The following CSMD1 variants were observed in gnomAD, a reference collection of about 807,000 sequenced individuals.
CSMD1 encodes CUB and sushi domain-containing protein 1.
Under a neutral mutation model 417.5 loss-of-function variants are expected in CSMD1, and 213 were observed. The ratio of observed to expected loss-of-function variants is 0.51; its 90% CI spans 0.46 to 0.57. CSMD1 has a LOEUF of 0.57. CSMD1 is among the 20% of genes least tolerant of loss of function. The pLI is 0.00. For synonymous variants in CSMD1, 2,862 were observed against 1,736.8 expected (o/e 1.65, Z -16.11); for missense variants, 6,923 against 4,529.7 (o/e 1.53, Z -15.17).
intron 3 of CSMD1, among the ~76,000 whole-genome samples, chr8:4,335,827 C>G (rs1800132493): frequency 6.6e-6 from 1 of 151,918 alleles, no homozygotes; most frequent in African/African-American, 2.4e-5. Context: ...ATTACTCAGC[C>G]CAGGGGTTGA....
intron 23 of CSMD1, among the ~76,000 whole-genome samples, chr8:3,314,582 A>T (rs1032974148): frequency 1.3e-5 from 2 of 152,188 alleles, no homozygotes; most frequent in African/African-American, 4.8e-5. Flanking sequence ...TAGTAATTCT[A>T]TTTCTTTGTT....
At chr8:4,311,898 A>G (rs1798604905) in intron 3 of CSMD1, among the ~76,000 whole-genome samples, 2 of 152,004 alleles carry the variant, frequency 1.3e-5, no homozygotes, top group Admixed American at 6.6e-5. Flanking sequence ...AATACATGCA[A>G]CGAACCCCCA....
chr8:3,799,774 A>C (rs779250144), intron 5 of CSMD1, among the ~76,000 whole-genome samples: 2 of 152,084 alleles, frequency 1.3e-5, no homozygotes, highest in Non-Finnish European at 2.9e-5. Flanking sequence ...TGCTAAATCC[A>C]ATTTTCATAT....
At chr8:3,287,807 C>T (rs1803270902) in intron 25 of CSMD1, among the ~76,000 whole-genome samples, 1 of 151,682 alleles carries the variant, frequency 6.6e-6, no homozygotes, top group Non-Finnish European at 1.5e-5. Context: ...CTCCAGCTGC[C>T]TGATTGCCCT....
At chr8:3,854,885 G>C (rs1308823721) in intron 5 of CSMD1, among the ~76,000 whole-genome samples, 1 of 152,094 alleles carries the variant, frequency 6.6e-6, no homozygotes, top group Non-Finnish European at 1.5e-5. Context: ...AATATTATAT[G>C]GACATTACAA....
intron 3 of CSMD1, among the ~76,000 whole-genome samples, chr8:4,348,631 GA>G (rs141217303): frequency 0.048 from 6,007 of 126,366 alleles, 579 homozygotes; most frequent in African/African-American, 0.18. Context: ...AGGGAGGGGA[GA>G]GGGGGAGAGG....
intron 3 of CSMD1, among the ~76,000 whole-genome samples, chr8:4,302,405 T>C (rs1319152235): frequency 1.3e-5 from 2 of 152,240 alleles, no homozygotes; most frequent in African/African-American, 2.4e-5. Flanking sequence ...AAAACCTTTA[T>C]ATATGTGATT....
intron 3 of CSMD1, among the ~76,000 whole-genome samples, chr8:4,326,713 T>C (rs1490472113): frequency 2.6e-5 from 4 of 152,084 alleles, no homozygotes; most frequent in Admixed American, 2.6e-4. Flanking sequence ...TCCGTTTGGG[T>C]AACACCAAAT....
chr8:3,637,762 G>A (rs1056633950), intron 7 of CSMD1, among the ~76,000 whole-genome samples: 1 of 152,136 alleles, frequency 6.6e-6, no homozygotes, highest in East Asian at 1.9e-4. Context: ...ATCTTGAATT[G>A]TAGCTCCCAT....
rs563493967 is a variant in CSMD1 at position 4,383,508 on chromosome 8, C to G, written c.415+36445G>C. ...TCGTCTGTAATTTTATTCCAGGACACCAACAAGCCCTGGCTATTGCAGACA... is the reference window on the plus strand; with the variant it reads ...TCGTCTGTAATTTTATTCCAGGACAGCAACAAGCCCTGGCTATTGCAGACA... On this transcript the variant is annotated intron_variant, in intron 3 of 69. Coordinates refer to ENST00000635120, the MANE Select transcript of CSMD1 (RefSeq NM_033225.6). Among the ~76,000 whole-genome samples, 9 of 152,208 alleles carry G rather than the reference C, an allele frequency of 5.9e-5. No homozygotes were observed. In the East Asian group the frequency reaches 7.7e-4, roughly 13 times the overall value.
chr8:3,712,446 G>C (rs11136652), intron 6 of CSMD1, among the ~76,000 whole-genome samples: 62,404 of 118,318 alleles, frequency 0.53, 13,987 homozygotes, highest in Admixed American at 0.59. Context: ...GACAGACAGA[G>C]AGAGAGAGAA....
intron 2 of CSMD1, among the ~76,000 whole-genome samples, chr8:4,429,790 A>G (rs1272356065): frequency 6.6e-6 from 1 of 152,150 alleles, no homozygotes; most frequent in African/African-American, 2.4e-5. Flanking sequence ...GTTGAAATAT[A>G]CCGGCAATCC....
intron 3 of CSMD1, among the ~76,000 whole-genome samples, chr8:4,152,402 G>A (rs141759533): frequency 2.0e-5 from 3 of 152,114 alleles, no homozygotes; most frequent in African/African-American, 7.2e-5. Flanking sequence ...ACTTAGGCCA[G>A]GCACAGTGGC....
intron 10 of CSMD1, among the ~76,000 whole-genome samples, chr8:3,525,403 T>C (rs1290405827): frequency 6.6e-6 from 1 of 152,170 alleles, no homozygotes; most frequent in Non-Finnish European, 1.5e-5. Context: ...AAGGTAATCA[T>C]AGTAATATCC....
At chr8:4,120,757 G>C (rs1041186216) in intron 3 of CSMD1, among the ~76,000 whole-genome samples, 8 of 152,156 alleles carry the variant, frequency 5.3e-5, no homozygotes, top group African/African-American at 1.7e-4. Context: ...GTGTCTTAGA[G>C]GACACCTAGT....
chr8:3,161,102 C>A (rs1002234613), intron 38 of CSMD1, among the ~76,000 whole-genome samples: 4 of 152,128 alleles, frequency 2.6e-5, no homozygotes, highest in Non-Finnish European at 4.4e-5. Context: ...GAATGTCAAT[C>A]GACCTATATA....
chr8:4,345,578 C>G (rs555303160), intron 3 of CSMD1, among the ~76,000 whole-genome samples: 2 of 151,992 alleles, frequency 1.3e-5, no homozygotes, highest in African/African-American at 2.4e-5. Context: ...GCACTAATAT[C>G]TAAAATATAT....
chr8:3,433,801 G>T (rs1814379599), intron 12 of CSMD1, among the ~76,000 whole-genome samples: 1 of 152,286 alleles, frequency 6.6e-6, no homozygotes, highest in African/African-American at 2.4e-5. Context: ...CCAGTGCACA[G>T]TTCTAGGACT....
At chr8:4,899,987 A>G (rs1804761248) in intron 1 of CSMD1, among the ~76,000 whole-genome samples, 1 of 152,130 alleles carries the variant, frequency 6.6e-6, no homozygotes, top group Non-Finnish European at 1.5e-5. Context: ...TTTTTAGTCT[A>G]AGTAGGATGT....
Sources: allele counts gnomAD v4.1 joint callset (sites outside exome capture counted in the v4.1 genomes callset), GRCh38; gene constraint gnomAD v4.1.1; transcripts MANE v1.5; gene names NCBI Gene and HGNC (gene_info 2026-07-23, HGNC 2026-07-21).